ASXL3: variants seen among roughly 807,000 people sequenced by gnomAD.
The protein encoded by ASXL3 is ASXL transcriptional regulator 3, also known as putative Polycomb group protein ASXL3.
ASXL3 carries 34 observed loss-of-function variants against 170.6 expected under a neutral mutation model. That is an observed-to-expected ratio of 0.20 (90% confidence interval 0.15 to 0.27). The LOEUF (loss-of-function observed/expected upper bound fraction) is 0.27, where lower values mean the gene tolerates loss of function less well. ASXL3 is among the 10% of genes least tolerant of loss of function. The pLI, the probability that ASXL3 is intolerant of heterozygous loss-of-function variation, is 1.00. For missense variants in ASXL3, 2,592 were observed against 2,695.3 expected, an observed-to-expected ratio of 0.96 and a Z score of 0.85; for synonymous variants, 1,002 against 989.1, an observed-to-expected ratio of 1.01 and a Z score of -0.24.
At chr18:33,684,238 AGTGCTGTCTAGGAAACATTCCC>A (rs1481632478) in intron 8 of ASXL3, among the ~76,000 whole-genome samples, 1 of 152,190 alleles carries the variant, frequency 6.6e-6, no homozygotes. Flanking sequence ...AAATTTATTA[AGTGCTGTCTAGGAAACATTCCC>A]TTATGATTCT....
intron 4 of ASXL3, among the ~76,000 whole-genome samples, chr18:33,647,637 T>C (rs906666952): frequency 1.3e-5 from 2 of 152,050 alleles, no homozygotes; most frequent in African/African-American, 4.8e-5. Flanking sequence ...CCTAGTGTGG[T>C]ACTCTTGCCT....
chr18:33,736,624 C>T (rs1363447359), intron 10 of ASXL3, among the ~76,000 whole-genome samples: 1 of 152,166 alleles, frequency 6.6e-6, no homozygotes, highest in Non-Finnish European at 1.5e-5. Context: ...ATTTAGTTTT[C>T]AATTTTTTTA....
intron 1 of ASXL3, among the ~76,000 whole-genome samples, chr18:33,597,325 T>G (rs1177287223): frequency 6.6e-6 from 1 of 152,142 alleles, no homozygotes; most frequent in Non-Finnish European, 1.5e-5. Context: ...TATGTATTGT[T>G]CTTCAACATG....
chr18:33,624,779 A>T (rs981903771), intron 2 of ASXL3, among the ~76,000 whole-genome samples: 9 of 152,164 alleles, frequency 5.9e-5, no homozygotes, highest in Admixed American at 4.6e-4. Context: ...TAGGAGGTGC[A>T]TATGTATGTA....
chr18:33,750,634 T>C lies in ASXL3; in HGVS notation c.*4039T>C, dbSNP rs1306979714. On this transcript the variant is annotated 3_prime_UTR_variant, in exon 12 of 12. Transcript: ENST00000269197. ...TTGACATTAGCCATTTAATGCCTTT[T>C]TTAAAGGCGGTATTACTCCTACAGT... 1.3e-5 allele frequency: 2 copies of C among 152,220 alleles called. No homozygotes were observed. The highest frequency in any genetic ancestry group is 2.9e-5 in the Non-Finnish European group (2 of 68,040). The allele number at this position is 152,220 out of a possible 1,614,324, so 9.4% of individuals were successfully genotyped here.
At chr18:33,730,215 C>T (rs766597222) in intron 8 of ASXL3, among the ~76,000 whole-genome samples, 1 of 152,114 alleles carries the variant, frequency 6.6e-6, no homozygotes, top group South Asian at 2.1e-4. Context: ...TGCCAAACAT[C>T]CGACATTACA....
At chr18:33,690,909 C>A (rs1441719904) in intron 8 of ASXL3, among the ~76,000 whole-genome samples, 2 of 152,140 alleles carry the variant, frequency 1.3e-5, no homozygotes, top group African/African-American at 2.4e-5. Flanking sequence ...AGGTGCCCTC[C>A]TCACCATGGT....
intron 1 of ASXL3, among the ~76,000 whole-genome samples, chr18:33,597,793 C>CAAAAAAAAA (rs34304405): frequency 2.3e-5 from 3 of 132,580 alleles, no homozygotes; most frequent in Non-Finnish European, 1.6e-5. Context: ...CTCTCATCTA[C>CAAAAAAAAA]AAAAAAAAAA....
chr18:33,627,381 C>T (rs1236535813), intron 2 of ASXL3, among the ~76,000 whole-genome samples: 2 of 152,120 alleles, frequency 1.3e-5, no homozygotes, highest in African/African-American at 4.8e-5. Flanking sequence ...ATTTCTCTGT[C>T]TGAATTAACA....
rs1421447131 is a variant in ASXL3, at chr18:33,671,791, A to G, written c.640A>G (p.Met214Val). 6.2e-7 allele frequency: 1 copy of G among 1,611,116 alleles called. No individual in the cohort carries two copies. Among genetic ancestry groups the G allele is most frequent in the Admixed American group, 1.7e-5 (1 of 59,866 alleles). ...NGEADSSDKE[M>V]KHGQKSPTGK... ...TGAAGCAGACAGTTCAGATAAAGAA[A>G]TGAAACATGGGCAAAAATCTCCCAC... Residue 214 changes from methionine (M) to valine (V), a missense_variant, in exon 7 of 12, where the codon ATG (methionine) becomes GTG (valine). Met to Val is a conservative substitution (Grantham distance 21, BLOSUM62 1). Coordinates refer to ENST00000269197, the MANE Select transcript of ASXL3 (RefSeq NM_030632.3).
chr18:33,728,929 A>C (rs966503802), intron 8 of ASXL3, among the ~76,000 whole-genome samples: 20 of 152,058 alleles, frequency 1.3e-4, no homozygotes, highest in African/African-American at 4.8e-4. Context: ...ACAACTTTCC[A>C]CCATCATGGC....
rs1488015806 is a variant in ASXL3 at position 33,747,212 on chromosome 18, T to C, written c.*617T>C. On this transcript the variant is annotated 3_prime_UTR_variant, in exon 12 of 12. Transcript: ENST00000269197. The stretch of plus-strand genomic sequence containing the variant: ...TCCTGTTGTACTTTCTCAGAGACTA[T>C]GGCAGAATATCTGGATCTTCCTTGG... 2 of 152,220 alleles carry C rather than the reference T, an allele frequency of 1.3e-5. No individual in the cohort carries two copies. The highest frequency in any genetic ancestry group is 2.9e-5 in the Non-Finnish European group (2 of 68,038). 9.4% of individuals were successfully genotyped at this position (152,220 alleles called of 1,614,324 possible).
At chr18:33,634,964 A>T (rs75951552) in intron 2 of ASXL3, among the ~76,000 whole-genome samples, 14,694 of 152,126 alleles carry the variant, frequency 0.097, 865 homozygotes, top group African/African-American at 0.16. Flanking sequence ...ATGCCTTTGG[A>T]AGTGCAGAGA....
chr18:33,710,371 G>T (rs1181453893), intron 8 of ASXL3, among the ~76,000 whole-genome samples: 4 of 152,208 alleles, frequency 2.6e-5, no homozygotes, highest in Non-Finnish European at 5.9e-5. Context: ...CTAGGAAACT[G>T]TTATTGGCAA....
Position 33,603,614 on chromosome 18 carries a change from A to G in ASXL3, c.55-3980A>G, listed in dbSNP as rs140910967. On this transcript the variant is annotated intron_variant, in intron 1 of 11. Transcript: ENST00000269197. ...CATCTGTTTACCTCCTGTGAAAAAT[A>G]GATCCACCACTAGGAAGGCAGCTAG... Among the ~76,000 whole-genome samples the G allele has an allele frequency of 5.0e-3, 763 of 152,140 alleles. 5 individuals carry two copies. The highest frequency in any genetic ancestry group is 7.7e-3 in the Non-Finnish European group (526 of 67,972).
intron 11 of ASXL3, among the ~76,000 whole-genome samples, chr18:33,741,750 C>T (rs2067667264): frequency 6.6e-6 from 1 of 152,100 alleles, no homozygotes; most frequent in Admixed American, 6.5e-5. Context: ...ATGGAAACAC[C>T]ACCAAATGGG....
chr18:33,619,218 T>G (rs2065472883), intron 2 of ASXL3, among the ~76,000 whole-genome samples: 1 of 152,128 alleles, frequency 6.6e-6, no homozygotes, highest in South Asian at 2.1e-4. Flanking sequence ...CAATTGTTCT[T>G]AACCTTTTTA....
intron 7 of ASXL3, among the ~76,000 whole-genome samples, chr18:33,676,917 A>G (rs781778023): frequency 6.6e-6 from 1 of 152,182 alleles, no homozygotes; most frequent in Non-Finnish European, 1.5e-5. Context: ...ATTCTTTAGT[A>G]ATATACTCTT....
chr18:33,719,950 G>C (rs1299898882), intron 8 of ASXL3, among the ~76,000 whole-genome samples: 1 of 152,024 alleles, frequency 6.6e-6, no homozygotes, highest in Non-Finnish European at 1.5e-5. Context: ...CCCATCTTCA[G>C]GGTTGTTGAA....
Sources: allele counts gnomAD v4.1 joint callset (sites outside exome capture counted in the v4.1 genomes callset), GRCh38; gene constraint gnomAD v4.1.1; transcripts MANE v1.5; gene names NCBI Gene and HGNC (gene_info 2026-07-23, HGNC 2026-07-21).